Variants in GRM1 observed in about 807,000 individuals in gnomAD.
The protein encoded by GRM1 is glutamate metabotropic receptor 1.
GRM1 carries 33 observed loss-of-function variants against 90.9 expected under a neutral mutation model. The ratio of observed to expected loss-of-function variants is 0.36; its 90% CI spans 0.28 to 0.49. The LOEUF (loss-of-function observed/expected upper bound fraction) is 0.49. Among genes scored for constraint, GRM1 ranks in the 20% least tolerant of loss-of-function variants. The pLI is 0.99. For synonymous variants in GRM1, 700 were observed against 613.2 expected (o/e 1.14, Z -2.09); for missense variants, 1,190 against 1,534.3 (o/e 0.78, Z 3.75).
chr6:146,187,831 A>G (rs1778791465), intron 2 of GRM1, among the ~76,000 whole-genome samples: 1 of 152,010 alleles, frequency 6.6e-6, no homozygotes, highest in Non-Finnish European at 1.5e-5. Flanking sequence ...TGCCAAATGA[A>G]TAGATGAGGT....
At chr6:146,194,639 C>A (rs972874821) in intron 2 of GRM1, among the ~76,000 whole-genome samples, 1 of 152,194 alleles carries the variant, frequency 6.6e-6, no homozygotes, top group African/African-American at 2.4e-5. Flanking sequence ...ATTTGACACC[C>A]AGTTGCAGAC....
At chr6:146,351,013 C>T (rs916256099) in intron 3 of GRM1, among the ~76,000 whole-genome samples, 2 of 152,094 alleles carry the variant, frequency 1.3e-5, no homozygotes, top group African/African-American at 4.8e-5. Context: ...TTAAATAGAA[C>T]TCTTTAAAAA....
chr6:146,384,252 C>T (rs1214580119), intron 5 of GRM1, among the ~76,000 whole-genome samples: 3 of 152,008 alleles, frequency 2.0e-5, no homozygotes, highest in Non-Finnish European at 2.9e-5. Context: ...ACATGTCAGC[C>T]GGCTGGAATT....
intron 7 of GRM1, among the ~76,000 whole-genome samples, chr6:146,414,444 T>C (rs1160244923): frequency 1.3e-5 from 2 of 151,402 alleles, no homozygotes; most frequent in African/African-American, 2.4e-5. Context: ...CACACTGTCG[T>C]CCACGCTGGA....
intron 1 of GRM1, among the ~76,000 whole-genome samples, chr6:146,111,526 T>A (rs1775558803): frequency 6.6e-6 from 1 of 152,150 alleles, no homozygotes; most frequent in African/African-American, 2.4e-5. Context: ...AGAATCCACA[T>A]TAGAGAAGGT....
intron 1 of GRM1, among the ~76,000 whole-genome samples, chr6:146,131,220 T>C (rs977914291): frequency 1.3e-5 from 2 of 152,168 alleles, no homozygotes; most frequent in Non-Finnish European, 2.9e-5. Flanking sequence ...TGATGATGAA[T>C]TTGTCTGTAC....
At chr6:146,188,920 T>C (rs1390346157) in intron 2 of GRM1, among the ~76,000 whole-genome samples, 1 of 152,230 alleles carries the variant, frequency 6.6e-6, no homozygotes, top group Non-Finnish European at 1.5e-5. Context: ...GTTTTCTTAT[T>C]TGTTGATTCA....
intron 1 of GRM1, among the ~76,000 whole-genome samples, chr6:146,073,462 T>C (rs1359561712): frequency 6.6e-6 from 1 of 152,210 alleles, no homozygotes; most frequent in East Asian, 1.9e-4. Flanking sequence ...GGCCAACTTG[T>C]TAAACTTTAC....
At chr6:146,370,617 G>A (rs779439062) in intron 5 of GRM1, among the ~76,000 whole-genome samples, 5 of 151,926 alleles carry the variant, frequency 3.3e-5, no homozygotes, top group East Asian at 1.9e-4. Flanking sequence ...GGGCCACAGC[G>A]GGTCACTAAA....
chr6:146,375,074 T>C (rs1278096644), intron 5 of GRM1, among the ~76,000 whole-genome samples: 2 of 151,998 alleles, frequency 1.3e-5, no homozygotes, highest in African/African-American at 4.8e-5. Context: ...ATTGTGTTTT[T>C]ATTATAATTC....
chr6:146,216,617 T>C (rs917810726), intron 2 of GRM1, among the ~76,000 whole-genome samples: 3 of 152,184 alleles, frequency 2.0e-5, no homozygotes, highest in Non-Finnish European at 1.5e-5. Flanking sequence ...AATTTAACAG[T>C]GTAACAGAAA....
chr6:146,427,093 C>T (rs1356050064), intron 7 of GRM1, among the ~76,000 whole-genome samples: 1 of 152,106 alleles, frequency 6.6e-6, no homozygotes, highest in Non-Finnish European at 1.5e-5. Context: ...AGAGTTCTAT[C>T]ATGTCAGTTT....
intron 3 of GRM1, among the ~76,000 whole-genome samples, chr6:146,313,502 C>T (rs1464290741): frequency 1.3e-5 from 2 of 152,092 alleles, no homozygotes; most frequent in South Asian, 4.1e-4. Flanking sequence ...TTTCCCATGT[C>T]GTCTAAAAGT....
At chr6:146,312,153 A>G (rs1352090147) in intron 3 of GRM1, among the ~76,000 whole-genome samples, 1 of 151,892 alleles carries the variant, frequency 6.6e-6, no homozygotes, top group East Asian at 1.9e-4. Context: ...CATCTTGGCT[A>G]ACACACTGAA....
At chr6:146,202,298 C>T (rs953044288) in intron 2 of GRM1, among the ~76,000 whole-genome samples, 11 of 152,190 alleles carry the variant, frequency 7.2e-5, no homozygotes, top group South Asian at 4.2e-4. Context: ...TGGGATCTGT[C>T]GGGTTTGAAG....
At chr6:146,352,199 C>A in intron 3 of GRM1, 51 bp from the exon 4 acceptor site, 2 of 1,593,882 alleles carry the variant, frequency 1.3e-6, no homozygotes, top group South Asian at 1.1e-5. Context: ...AACCTGGGAG[C>A]CTAGTCTTTA....
chr6:146,072,051 A>T (rs1776033115), intron 1 of GRM1, among the ~76,000 whole-genome samples: 2 of 152,196 alleles, frequency 1.3e-5, no homozygotes, highest in Admixed American at 1.3e-4. Flanking sequence ...AATGACATAG[A>T]TTAGGCCAAT....
chr6:146,091,248 G>A (rs1341496173), intron 1 of GRM1, among the ~76,000 whole-genome samples: 1 of 152,076 alleles, frequency 6.6e-6, no homozygotes, highest in Admixed American at 6.6e-5. Context: ...TCCTCCCTTG[G>A]GCTAGTGTAG....
intron 2 of GRM1, among the ~76,000 whole-genome samples, chr6:146,287,392 A>T (rs1782805045): frequency 6.6e-6 from 1 of 152,136 alleles, no homozygotes; most frequent in Non-Finnish European, 1.5e-5. Context: ...ATTTCACCAC[A>T]TTTAGGAGGG....
Sources: allele counts gnomAD v4.1 joint callset (sites outside exome capture counted in the v4.1 genomes callset), GRCh38; gene constraint gnomAD v4.1.1; transcripts MANE v1.5; gene names NCBI Gene and HGNC (gene_info 2026-07-23, HGNC 2026-07-21).